Variants in ROR1 observed in about 807,000 individuals in gnomAD.
ROR1 encodes inactive tyrosine-protein kinase transmembrane receptor ROR1.
Under a neutral mutation model 78.8 loss-of-function variants are expected in ROR1, and 19 were observed. The observed-to-expected ratio is 0.24, with a 90% CI of 0.17 to 0.35. ROR1 has a LOEUF of 0.35. Among genes scored for constraint, ROR1 ranks in the 10% least tolerant of loss-of-function variants. The pLI is 1.00. For missense variants in ROR1, 917 were observed against 1,177.8 expected, an observed-to-expected ratio of 0.78 and a Z score of 3.24; for synonymous variants, 386 against 433.6, an observed-to-expected ratio of 0.89 and a Z score of 1.36.
intron 1 of ROR1, among the ~76,000 whole-genome samples, chr1:63,986,813 C>T (rs1453027655): frequency 1.3e-5 from 2 of 151,624 alleles, no homozygotes; most frequent in African/African-American, 4.8e-5. Flanking sequence ...AGGAGGATCA[C>T]TTGAGCCCAG....
intron 1 of ROR1, among the ~76,000 whole-genome samples, chr1:63,897,751 C>A (rs1223091408): frequency 6.6e-6 from 1 of 152,176 alleles, no homozygotes; most frequent in Non-Finnish European, 1.5e-5. Flanking sequence ...AATGAACTGT[C>A]ACATTTTATT....
chr1:63,879,548 A>G (rs902824532), intron 1 of ROR1, among the ~76,000 whole-genome samples: 1 of 152,132 alleles, frequency 6.6e-6, no homozygotes, highest in Non-Finnish European at 1.5e-5. Flanking sequence ...TTCTGTGACA[A>G]AAGGGTTCTC....
At chr1:63,938,201 C>T (rs1645808610) in intron 1 of ROR1, among the ~76,000 whole-genome samples, 1 of 152,056 alleles carries the variant, frequency 6.6e-6, no homozygotes, top group African/African-American at 2.4e-5. Context: ...CTCATTATTC[C>T]CTAGACAATA....
chr1:64,108,427 A>G (rs991374693), intron 4 of ROR1: 3 of 121,624 alleles, frequency 2.5e-5, no homozygotes. Context: ...AAAAAAAAAA[A>G]AAAAAATCAC....
intron 4 of ROR1, among the ~76,000 whole-genome samples, chr1:64,127,060 A>G (rs566461549): frequency 6.6e-6 from 1 of 152,306 alleles, no homozygotes; most frequent in African/African-American, 2.4e-5. Flanking sequence ...TAACCTAACT[A>G]TTGTATCACT....
At chr1:63,946,957 G>T (rs191875957) in intron 1 of ROR1, among the ~76,000 whole-genome samples, 161 of 152,280 alleles carry the variant, frequency 1.1e-3, no homozygotes, top group African/African-American at 3.8e-3. Flanking sequence ...AGTCAGGTTT[G>T]CCTGAAGCTA....
intron 4 of ROR1, among the ~76,000 whole-genome samples, chr1:64,128,464 G>A (rs1648796126): frequency 6.6e-6 from 1 of 152,038 alleles, no homozygotes. Flanking sequence ...GTGAGATCCT[G>A]TCTCAAAAAA....
chr1:63,873,885 T>C (rs1479835553), intron 1 of ROR1, among the ~76,000 whole-genome samples: 3 of 152,130 alleles, frequency 2.0e-5, no homozygotes, highest in Non-Finnish European at 4.4e-5. Context: ...TATTCTGGAA[T>C]GTGTTTATAG....
At chr1:64,098,071 A>G (rs1647368086) in intron 4 of ROR1, among the ~76,000 whole-genome samples, 1 of 152,148 alleles carries the variant, frequency 6.6e-6, no homozygotes, top group Admixed American at 6.5e-5. Flanking sequence ...TCACAAATCA[A>G]TATTTCTGCC....
chr1:64,179,613 G>A lies in ROR1; in HGVS notation c.*758G>A, dbSNP rs1008980362. 1.3e-5 allele frequency: 2 copies of A among 152,164 alleles called. No homozygotes were observed. The highest frequency in any genetic ancestry group is 4.1e-4 in the South Asian group (2 of 4,820). 9.4% of individuals were successfully genotyped at this position (152,164 alleles called of 1,614,324 possible). A position where few individuals can be genotyped will look rare whatever the true frequency, so the allele number is the denominator to read the frequency against. ...GATGTGGATGCTAGAATTGATTGTT[G>A]GTTGATAGTTCTCTTTGCTGGATTA... On this transcript the variant is annotated 3_prime_UTR_variant, in exon 9 of 9. Coordinates refer to ENST00000371079, the MANE Select transcript of ROR1 (RefSeq NM_005012.4).
intron 2 of ROR1, among the ~76,000 whole-genome samples, chr1:64,029,597 G>T (rs1053844522): frequency 1.3e-5 from 2 of 152,200 alleles, no homozygotes; most frequent in African/African-American, 4.8e-5. Context: ...CTCTCTTTCT[G>T]CCTTACAGAT....
At chr1:64,007,608 G>C (rs1379844681) in intron 1 of ROR1, among the ~76,000 whole-genome samples, 2 of 151,998 alleles carry the variant, frequency 1.3e-5, no homozygotes, top group Non-Finnish European at 2.9e-5. Flanking sequence ...TTATTGATTT[G>C]TATGTTTGCT....
At chr1:63,924,104 A>G (rs1456204729) in intron 1 of ROR1, among the ~76,000 whole-genome samples, 2 of 152,184 alleles carry the variant, frequency 1.3e-5, no homozygotes, top group East Asian at 1.9e-4. Flanking sequence ...TGCAGATAGC[A>G]TGGGTTTAGG....
At chr1:64,132,774 A>AG (rs1221911094) in intron 4 of ROR1, among the ~76,000 whole-genome samples, 2 of 149,268 alleles carry the variant, frequency 1.3e-5, no homozygotes, top group Admixed American at 1.3e-4. Flanking sequence ...AAAAAAAAAA[A>AG]AAAAAAAAAA....
chr1:63,921,543 A>G (rs1008839424), intron 1 of ROR1, among the ~76,000 whole-genome samples: 2 of 152,116 alleles, frequency 1.3e-5, no homozygotes, highest in Admixed American at 6.6e-5. Context: ...TACCATGTGC[A>G]CCAAAGGAAT....
intron 1 of ROR1, among the ~76,000 whole-genome samples, chr1:63,912,958 T>C (rs1015767369): frequency 4.6e-5 from 7 of 152,136 alleles, no homozygotes; most frequent in Non-Finnish European, 1.0e-4. Flanking sequence ...CGGGGGTTGC[T>C]GATAGTGACA....
In ROR1 at chr1:63,850,255, A is replaced by C. The variant is rs539794951; in HGVS notation, c.91+75747A>C. On this transcript the variant is annotated intron_variant, in intron 1 of 8. Coordinates refer to ENST00000371079, the MANE Select transcript of ROR1 (RefSeq NM_005012.4). ...TTAGTTGCTGTGCAGTAAGTATGCT[A>C]TTGTATGACCATTTCACAATTAATG... 4.6e-5 allele frequency among the ~76,000 whole-genome samples: 7 copies of C among 152,302 alleles called. No individual in the cohort carries two copies. The East Asian group carries it at 1.3e-3, about 29-fold the overall frequency.
intron 2 of ROR1, among the ~76,000 whole-genome samples, chr1:64,045,621 T>G (rs1472041892): frequency 1.3e-5 from 2 of 152,192 alleles, no homozygotes; most frequent in Non-Finnish European, 2.9e-5. Flanking sequence ...CTGTGTGATC[T>G]TGGACAACTT....
intron 4 of ROR1, among the ~76,000 whole-genome samples, chr1:64,115,499 G>C (rs934343709): frequency 6.6e-6 from 1 of 151,840 alleles, no homozygotes; most frequent in Non-Finnish European, 1.5e-5. Flanking sequence ...CTCCCAAAGT[G>C]CATTTCTTAA....
Sources: gnomAD v4.1 joint callset for allele counts (sites outside exome capture counted in the v4.1 genomes callset) on GRCh38, gnomAD v4.1.1 for gene constraint, MANE v1.5 for transcripts, NCBI Gene and HGNC (gene_info 2026-07-23, HGNC 2026-07-21) for gene names.